Variants in SASH1 observed in about 807,000 individuals in gnomAD.
SASH1 encodes SAM and SH3 domain containing 1.
SASH1 carries 44 observed loss-of-function variants against 125.2 expected under a neutral mutation model. The observed-to-expected ratio is 0.35, with a 90% CI of 0.28 to 0.45. SASH1 has a LOEUF of 0.45. SASH1 is among the 20% of genes least tolerant of loss of function. The probability of loss-of-function intolerance (pLI) is 1.00; values close to 1 mark genes in which losing one functional copy is unlikely to be tolerated. For synonymous variants in SASH1, 639 were observed against 649.1 expected (o/e 0.98, Z 0.24); for missense variants, 1,426 against 1,614.5 (o/e 0.88, Z 2.00).
At chr6:148,215,636 G>A in the SASH1 span, among the ~76,000 whole-genome samples, 80 of 152,090 alleles carry the variant, frequency 5.3e-4, no homozygotes, top group African/African-American at 1.9e-3. Flanking sequence ...AGTAATAAAC[G>A]GCCCTCTACG....
chr6:148,335,923 C>G (rs986895005), intron 1 of SASH1, among the ~76,000 whole-genome samples: 1 of 151,936 alleles, frequency 6.6e-6, no homozygotes, highest in Non-Finnish European at 1.5e-5. Flanking sequence ...ATAGATACAG[C>G]CTCATTGGAT....
At chr6:148,470,084 T>TC (rs1778029278) in intron 5 of SASH1, among the ~76,000 whole-genome samples, 1 of 151,848 alleles carries the variant, frequency 6.6e-6, no homozygotes, top group Non-Finnish European at 1.5e-5. Flanking sequence ...AAATGAATAT[T>TC]CCCGAACTGT....
In SASH1 at chr6:148,302,306, C is replaced by A. The variant is rs1362461994; in HGVS notation, n.74+29929C>A. Among the ~76,000 whole-genome samples the A allele has an allele frequency of 1.1e-4, 8 of 75,466 alleles. No homozygotes were observed. In the South Asian group the frequency reaches 3.9e-3, roughly 36 times the overall value. The allele number at this position is 75,466 out of a possible 152,430, so 49.5% of individuals were successfully genotyped here. A position where few individuals can be genotyped will look rare whatever the true frequency, so the allele number is the denominator to read the frequency against. ...CAGCCTGGGCGACAGAGCAAGACTCCGTCTCAAAAAAAAAAAAAAAAAAAA... is the reference window on the plus strand; with the variant it reads ...CAGCCTGGGCGACAGAGCAAGACTCAGTCTCAAAAAAAAAAAAAAAAAAAA... On this transcript the variant is annotated intron_variant and non_coding_transcript_variant, in intron 1 of 3. Transcript: ENST00000367469.
intron 2 of SASH1, among the ~76,000 whole-genome samples, chr6:148,415,999 C>T (rs1046185580): frequency 5.9e-5 from 9 of 152,300 alleles, no homozygotes; most frequent in African/African-American, 2.2e-4. Flanking sequence ...AGATCCCACA[C>T]TTCAAGCCTA....
intron 1 of SASH1, among the ~76,000 whole-genome samples, chr6:148,326,349 T>TATATATATATATGC (rs1554235314): frequency 2.3e-5 from 2 of 86,584 alleles, no homozygotes; most frequent in Non-Finnish European, 4.5e-5. Context: ...TATATATATA[T>TATATATATATATGC]ATATATATGC....
intron 16 of SASH1, among the ~76,000 whole-genome samples, chr6:148,535,161 A>AAG (rs1370961153): frequency 6.6e-6 from 1 of 152,244 alleles, no homozygotes; most frequent in Non-Finnish European, 1.5e-5. Flanking sequence ...TGCCAAGGTC[A>AAG]AACAGCACAA....
the SASH1 span, among the ~76,000 whole-genome samples, chr6:148,231,892 G>A: frequency 2.0e-5 from 3 of 151,850 alleles, no homozygotes; most frequent in African/African-American, 4.8e-5. Flanking sequence ...TGATACGTGA[G>A]CATGAATAGC....
chr6:148,308,456 C>T (rs140755592), intron 1 of SASH1, among the ~76,000 whole-genome samples: 1,555 of 148,932 alleles, frequency 0.01, 21 homozygotes, highest in African/African-American at 0.037. Flanking sequence ...AGTGCAATGG[C>T]GCTGCCTTGG....
the SASH1 span, among the ~76,000 whole-genome samples, chr6:148,198,948 T>C: frequency 6.6e-6 from 1 of 152,356 alleles, no homozygotes; most frequent in Middle Eastern, 3.4e-3. Context: ...TGAGTACTTA[T>C]CGGGGCCTGT....
At chr6:148,308,329 C>G (rs1371748085) in intron 1 of SASH1, among the ~76,000 whole-genome samples, 3 of 150,220 alleles carry the variant, frequency 2.0e-5, no homozygotes, top group Admixed American at 6.6e-5. Context: ...AAAGAACTTG[C>G]TCTGTAATGG....
At chr6:148,276,521 G>T (rs760520105) in intron 1 of SASH1, among the ~76,000 whole-genome samples, 47 of 152,100 alleles carry the variant, frequency 3.1e-4, no homozygotes, top group Non-Finnish European at 3.2e-4. Context: ...GCGCCCAGTC[G>T]ATTTGTAAGT....
At chr6:148,403,293 T>TG (rs888494938) in intron 2 of SASH1, among the ~76,000 whole-genome samples, 24 of 151,946 alleles carry the variant, frequency 1.6e-4, no homozygotes, top group African/African-American at 5.8e-4. Flanking sequence ...TTTTAAGAGA[T>TG]GGGGTCTCAC....
chr6:148,298,647 A>AGGG (rs1562312052), intron 1 of SASH1, among the ~76,000 whole-genome samples: 1,248 of 92,232 alleles, frequency 0.014, 35 homozygotes, highest in South Asian at 0.025. Flanking sequence ...AGAAGGAAGG[A>AGGG]AGGGAGGGAG....
At chr6:148,403,808 A>C (rs1784272261) in intron 2 of SASH1, among the ~76,000 whole-genome samples, 1 of 152,376 alleles carries the variant, frequency 6.6e-6, no homozygotes, top group Admixed American at 6.5e-5. Flanking sequence ...CTGGGATTAC[A>C]GGCGTGAGCC....
the SASH1 span, among the ~76,000 whole-genome samples, chr6:148,219,910 T>C: frequency 6.6e-6 from 1 of 152,124 alleles, no homozygotes; most frequent in East Asian, 1.9e-4. Flanking sequence ...GTGCATGGTA[T>C]TGAGGAAGCC....
intron 2 of SASH1, among the ~76,000 whole-genome samples, chr6:148,437,582 G>C (rs1204651622): frequency 6.6e-6 from 1 of 152,216 alleles, no homozygotes; most frequent in Non-Finnish European, 1.5e-5. Context: ...GCTGGGCGTG[G>C]TCATGAACTA....
chr6:148,390,678 C>T (rs1345808091), intron 2 of SASH1, among the ~76,000 whole-genome samples: 1 of 151,874 alleles, frequency 6.6e-6, no homozygotes, highest in Non-Finnish European at 1.5e-5. Flanking sequence ...GTCCCAGCTA[C>T]TCGGGAGGCT....
At chr6:148,435,196 G>T (rs1204977602) in intron 2 of SASH1, among the ~76,000 whole-genome samples, 1 of 152,018 alleles carries the variant, frequency 6.6e-6, no homozygotes, top group Non-Finnish European at 1.5e-5. Flanking sequence ...TGGCCAATAT[G>T]GTGAAACCCC....
chr6:148,236,314 A>T, the SASH1 span, among the ~76,000 whole-genome samples: 1 of 151,698 alleles, frequency 6.6e-6, no homozygotes, highest in African/African-American at 2.4e-5. Context: ...TCTGAGTTCC[A>T]GTGATTCTCC....
Sources: gnomAD v4.1 joint callset for allele counts (sites outside exome capture counted in the v4.1 genomes callset) on GRCh38, gnomAD v4.1.1 for gene constraint, MANE v1.5 for transcripts, NCBI Gene and HGNC (gene_info 2026-07-23, HGNC 2026-07-21) for gene names.